Variants in FHIT observed in about 807,000 individuals in gnomAD.
FHIT encodes fragile histidine triad diadenosine triphosphatase, also known as bis(5'-adenosyl)-triphosphatase.
FHIT carries 19 observed loss-of-function variants against 17.9 expected under a neutral mutation model. The ratio of observed to expected loss-of-function variants is 1.06; its 90% CI spans 0.74 to 1.56. FHIT has a LOEUF of 1.56. Among genes scored for constraint, FHIT ranks in the 40% most tolerant of loss-of-function variants. The pLI, the probability that FHIT is intolerant of heterozygous loss-of-function variation, is 0.00. For synonymous variants in FHIT, 81 were observed against 69.7 expected (o/e 1.16, Z -0.81); for missense variants, 248 against 189.2 (o/e 1.31, Z -1.82).
At chr3:60,716,976 G>A (rs1168815330) in intron 4 of FHIT, among the ~76,000 whole-genome samples, 2 of 152,182 alleles carry the variant, frequency 1.3e-5, no homozygotes, top group Non-Finnish European at 2.9e-5. Flanking sequence ...TTAGAAAGAA[G>A]GAAATCTTGC....
At chr3:59,846,527 TATA>T (rs1701726574) in intron 8 of FHIT, among the ~76,000 whole-genome samples, 1 of 152,150 alleles carries the variant, frequency 6.6e-6, no homozygotes, top group Non-Finnish European at 1.5e-5. Context: ...AAACCAAAGT[TATA>T]ATAATATTGA....
intron 4 of FHIT, among the ~76,000 whole-genome samples, chr3:60,736,730 A>AATGG (rs2042140183): frequency 6.6e-6 from 1 of 152,220 alleles, no homozygotes; most frequent in Non-Finnish European, 1.5e-5. Flanking sequence ...TGGCTACTCA[A>AATGG]CTTTGTATTT....
chr3:60,954,281 T>A (rs1185519827), intron 3 of FHIT, among the ~76,000 whole-genome samples: 1 of 152,240 alleles, frequency 6.6e-6, no homozygotes, highest in Non-Finnish European at 1.5e-5. Context: ...TGAATGTATA[T>A]CAGTGGTATT....
chr3:59,749,599 A>C lies in FHIT; in HGVS notation c.*6-20T>G, dbSNP rs1161768944. The C allele has an allele frequency of 4.3e-5, 10 of 231,044 alleles. No individual in the cohort carries two copies. The Admixed American group carries it at 5.1e-4, about 12-fold the overall frequency. 14.3% of individuals were successfully genotyped at this position (231,044 alleles called of 1,614,324 possible). On this transcript the variant is annotated intron_variant, in intron 9 of 9. Transcript: ENST00000492590. ...AAACATCTTAAGCCATTTTTAAACA[A>C]ACAAAGGCCTTATGATTCTAACATC...
At chr3:60,030,161 G>A (rs533765362) in intron 5 of FHIT, among the ~76,000 whole-genome samples, 1 of 152,124 alleles carries the variant, frequency 6.6e-6, no homozygotes, top group South Asian at 2.1e-4. Flanking sequence ...CCCACCAAAT[G>A]TTCTCTTGTA....
intron 5 of FHIT, among the ~76,000 whole-genome samples, chr3:60,372,906 G>T (rs569704985): frequency 6.6e-6 from 1 of 152,228 alleles, no homozygotes; most frequent in South Asian, 2.1e-4. Context: ...TGGTTACAAA[G>T]ATTTAAGTTA....
At chr3:60,113,101 G>A (rs904877838) in intron 5 of FHIT, among the ~76,000 whole-genome samples, 1 of 152,106 alleles carries the variant, frequency 6.6e-6, no homozygotes, top group African/African-American at 2.4e-5. Flanking sequence ...TGAATTCTGT[G>A]TCTGCTTACC....
chr3:59,874,676 T>C (rs1158675024), intron 8 of FHIT, among the ~76,000 whole-genome samples: 8 of 34,844 alleles, frequency 2.3e-4, no homozygotes, highest in Non-Finnish European at 4.3e-4. Flanking sequence ...TTTGTGTTTT[T>C]CATTTTTTTT....
intron 5 of FHIT, among the ~76,000 whole-genome samples, chr3:60,361,069 T>C (rs552598665): frequency 1.3e-5 from 2 of 152,316 alleles, no homozygotes; most frequent in East Asian, 3.9e-4. Flanking sequence ...TGGCTCCCTG[T>C]TTCCTACTAC....
chr3:60,420,726 G>A (rs555500548), intron 5 of FHIT, among the ~76,000 whole-genome samples: 1 of 152,220 alleles, frequency 6.6e-6, no homozygotes, highest in South Asian at 2.1e-4. Context: ...AACTTGCATG[G>A]AGTGTCTTGG....
At chr3:60,614,761 TAG>T (rs2038892178) in intron 4 of FHIT, among the ~76,000 whole-genome samples, 1 of 151,106 alleles carries the variant, frequency 6.6e-6, no homozygotes, top group Admixed American at 6.6e-5. Flanking sequence ...GGGTGCCTGG[TAG>T]AGTCATTCTT....
At chr3:59,855,788 T>G (rs2106816126) in intron 8 of FHIT, among the ~76,000 whole-genome samples, 1 of 150,328 alleles carries the variant, frequency 6.7e-6, no homozygotes, top group East Asian at 1.9e-4. Context: ...CTTTTTTTGT[T>G]TTTTTTTTTT....
In FHIT at chr3:60,280,854, T is replaced by C. The variant is rs367757786; in HGVS notation, c.103+256006A>G. On this transcript the variant is annotated intron_variant, in intron 5 of 9. Transcript: ENST00000492590. ...AAAGTAAGACAAGAAAAGGAAAGAA[T>C]ATTAAGAAAAAGATATAACGATTGG... Among the ~76,000 whole-genome samples, 13 of 152,172 alleles carry C rather than the reference T, an allele frequency of 8.5e-5. No individual in the cohort carries two copies. The East Asian group carries it at 2.3e-3, about 27-fold the overall frequency.
intron 4 of FHIT, among the ~76,000 whole-genome samples, chr3:60,704,623 G>A (rs1176564516): frequency 1.3e-5 from 2 of 152,070 alleles, no homozygotes; most frequent in African/African-American, 4.8e-5. Context: ...AAAACAACTT[G>A]AAAAATGAAC....
chr3:60,651,871 G>C (rs1015586383), intron 4 of FHIT, among the ~76,000 whole-genome samples: 2 of 152,054 alleles, frequency 1.3e-5, no homozygotes, highest in Non-Finnish European at 2.9e-5. Flanking sequence ...GTTCACACTG[G>C]TCCACTGAGC....
At chr3:61,063,887 C>G (rs9855931) in intron 2 of FHIT, among the ~76,000 whole-genome samples, 91,239 of 152,046 alleles carry the variant, frequency 0.6, 28,257 homozygotes, top group Non-Finnish European at 0.65. Flanking sequence ...AACACTTTGA[C>G]GATGACTTAG....
At chr3:60,375,442 G>C (rs1310870257) in intron 5 of FHIT, among the ~76,000 whole-genome samples, 2 of 151,784 alleles carry the variant, frequency 1.3e-5, no homozygotes, top group Non-Finnish European at 2.9e-5. Flanking sequence ...AGATGTGGTG[G>C]TGTACACCAG....
At chr3:60,002,994 G>A (rs1267142128) in intron 7 of FHIT, among the ~76,000 whole-genome samples, 4 of 152,178 alleles carry the variant, frequency 2.6e-5, no homozygotes, top group Non-Finnish European at 5.9e-5. Flanking sequence ...TAGGAGGCAT[G>A]AGAACTAGCT....
At chr3:60,986,035 C>T (rs1363377992) in intron 3 of FHIT, among the ~76,000 whole-genome samples, 2 of 152,190 alleles carry the variant, frequency 1.3e-5, no homozygotes, top group African/African-American at 4.8e-5. Context: ...CTTATAACGA[C>T]CCTTGTGGTT....
Sources: allele counts gnomAD v4.1 joint callset (sites outside exome capture counted in the v4.1 genomes callset), GRCh38; gene constraint gnomAD v4.1.1; transcripts MANE v1.5; gene names NCBI Gene and HGNC (gene_info 2026-07-23, HGNC 2026-07-21).